OR2Z1: variants seen among roughly 807,000 people sequenced by gnomAD.
OR2Z1 encodes the protein olfactory receptor family 2 subfamily Z member 1.
For missense variants in OR2Z1, 449 were observed against 401.8 expected (o/e 1.12, Z -1.00); for synonymous variants, 188 against 160.6 (o/e 1.17, Z -1.29).
chr19:8,727,859 T>G (rs1223074214), intron 2 of OR2Z1, among the ~76,000 whole-genome samples: 1 of 152,218 alleles, frequency 6.6e-6, no homozygotes, highest in Non-Finnish European at 1.5e-5. Flanking sequence ...AGAGCAAGAC[T>G]CTGTCTCAAC....
chr19:8,731,352 T>C lies in OR2Z1; in HGVS notation c.324T>C (p.Gly108=), dbSNP rs2043353730. 4 of 1,613,958 alleles carry C rather than the reference T, an allele frequency of 2.5e-6. No homozygotes were observed. The highest frequency in any genetic ancestry group is 1.1e-5 in the South Asian group (1 of 91,078). ...AAATATTCTTCCTCACACTGATGGG[T>C]GTGGCTGAGGGCGTCCTGTTGGTCC... The part of the protein sequence containing the change: ...AAQIFFLTLM[G]VAEGVLLVLM... Residue 108 remains glycine (G), a synonymous_variant, in exon 3 of 3, where the codon GGT becomes GGC. Coordinates refer to ENST00000641125, the MANE Select transcript of OR2Z1 (RefSeq NM_001004699.3).
chr19:8,728,655 G>A (rs1214971207), intron 2 of OR2Z1: 11 of 465,816 alleles, frequency 2.4e-5, no homozygotes, highest in Non-Finnish European at 3.7e-5. Context: ...CCCAAATTGC[G>A]AACATAGTAC....
In OR2Z1 at chr19:8,732,025, T is replaced by TC. The variant is rs782571550; in HGVS notation, c.*55dup. ...CAGCGGTCCTCGATCCCACCCACCT[T>TC]CCCAAAGTATGCATTTGGCATTCAA... On this transcript the variant is annotated 3_prime_UTR_variant, in exon 3 of 3. Coordinates refer to ENST00000641125, the MANE Select transcript of OR2Z1 (RefSeq NM_001004699.3). The TC allele has an allele frequency of 7.2e-7, 1 of 1,390,794 alleles. No individual in the cohort carries two copies. Among genetic ancestry groups the TC allele is most frequent in the Non-Finnish European group, 9.9e-7 (1 of 1,006,814 alleles). The allele number at this position is 1,390,794 out of a possible 1,614,324, so 86.2% of individuals were successfully genotyped here.
rs2043349950 is a variant in OR2Z1 at position 8,730,968 on chromosome 19, A to G, written c.-61A>G. 7.3e-7 allele frequency: 1 copy of G among 1,379,222 alleles called. No individual in the cohort carries two copies. The highest frequency in any genetic ancestry group is 1.0e-6 in the Non-Finnish European group (1 of 986,022). 85.4% of individuals were successfully genotyped at this position (1,379,222 alleles called of 1,614,324 possible). A position where few individuals can be genotyped will look rare whatever the true frequency, so the allele number is the denominator to read the frequency against. On this transcript the variant is annotated 5_prime_UTR_variant, in exon 3 of 3. It removes an upstream start codon present in the reference 5' UTR. Coordinates refer to ENST00000641125, the MANE Select transcript of OR2Z1 (RefSeq NM_001004699.3). Reference sequence around the variant, plus strand: ...TGAGATGAAAATTATTTGCCACCCCATGCAGGCTTCTTGCCATAGTTCAGC... The same window carrying G: ...TGAGATGAAAATTATTTGCCACCCCGTGCAGGCTTCTTGCCATAGTTCAGC...
chr19:8,731,039 T>C lies in OR2Z1; in HGVS notation c.11T>C (p.Val4Ala). ...TGCATTGTGTAAAACATGGGGGATG[T>C]GAATCAGTCGGTGGCCTCAGACTTC... is the stretch of plus-strand genomic sequence containing the variant. MGD[V>A]NQSVASDFIL... Residue 4 changes from valine to alanine, a missense_variant, in exon 3 of 3, where the codon GTG (valine) becomes GCG (alanine). Transcript: ENST00000641125. 1 of 1,613,940 alleles carries C rather than the reference T, an allele frequency of 6.2e-7. No homozygotes were observed. Among genetic ancestry groups the C allele is most frequent in the Non-Finnish European group, 8.5e-7 (1 of 1,179,868 alleles).
At position 8,731,543 on chromosome 19, in the gene OR2Z1, G is replaced by T. The variant is rs1334848995; in HGVS notation, c.515G>T (p.Arg172Leu). The T allele has an allele frequency of 1.2e-6, 2 of 1,613,894 alleles. No homozygotes were observed. The highest frequency in any genetic ancestry group is 2.7e-5 in the African/African-American group (2 of 74,854). ...ITLHFPYCAS[R>L]IVDHFFCEVP... ...CTGCATTTTCCCTACTGTGCCTCCCGTATTGTGGATCACTTCTTCTGTGAG... is the reference window on the plus strand; with the variant it reads ...CTGCATTTTCCCTACTGTGCCTCCCTTATTGTGGATCACTTCTTCTGTGAG... Residue 172 changes from arginine to leucine, a missense_variant, in exon 3 of 3, where the codon CGT (arginine) becomes CTT (leucine). Arg to Leu is a moderately radical substitution (Grantham distance 102). Transcript: ENST00000641125.
At chr19:8,723,200 A>G (rs1219802941) in intron 2 of OR2Z1, 50 bp downstream of exon 2, 1 of 152,134 alleles carries the variant, frequency 6.6e-6, no homozygotes, top group Non-Finnish European at 1.5e-5. Context: ...GCCTGCAATC[A>G]TGTTTTATGT....
rs535552514 is a variant in OR2Z1, at chr19:8,729,570, C to T, written c.-169-1290C>T. ...AGACTACAGGCAGTCACCACCAAGT[C>T]GAACTTTAAATTTTTTGTAGAGATG... is the stretch of plus-strand genomic sequence containing the variant. On this transcript the variant is annotated intron_variant, in intron 2 of 2. Transcript: ENST00000641125. Among the ~76,000 whole-genome samples, 34 of 151,386 alleles carry T rather than the reference C, an allele frequency of 2.2e-4. 1 individual carries two copies. The South Asian group carries it at 6.5e-3, about 29-fold the overall frequency.
At position 8,732,023 on chromosome 19, in the gene OR2Z1, C is replaced by G. The variant is rs201762699; in HGVS notation, c.*50C>G. 1.4e-6 allele frequency: 2 copies of G among 1,416,338 alleles called. No individual in the cohort carries two copies. Among genetic ancestry groups the G allele is most frequent in the East Asian group, 2.3e-5 (1 of 43,550 alleles). The allele number at this position is 1,416,338 out of a possible 1,614,324, so 87.7% of individuals were successfully genotyped here. A position where few individuals can be genotyped will look rare whatever the true frequency, so the allele number is the denominator to read the frequency against. On this transcript the variant is annotated 3_prime_UTR_variant, in exon 3 of 3. Coordinates refer to ENST00000641125, the MANE Select transcript of OR2Z1 (RefSeq NM_001004699.3). ...TCCAGCGGTCCTCGATCCCACCCAC[C>G]TTCCCAAAGTATGCATTTGGCATTC...
chr19:8,722,244 A>C (rs1219780432), intron 1 of OR2Z1, among the ~76,000 whole-genome samples: 7 of 149,708 alleles, frequency 4.7e-5, no homozygotes, highest in Non-Finnish European at 8.9e-5. Flanking sequence ...TTATATATTA[A>C]ATTAAATAAT....
At chr19:8,728,014 A>T (rs570561170) in intron 2 of OR2Z1, among the ~76,000 whole-genome samples, 2 of 152,384 alleles carry the variant, frequency 1.3e-5, no homozygotes, top group East Asian at 1.9e-4. Flanking sequence ...AGCCCTGGTC[A>T]TATAGCCCAA....
intron 1 of OR2Z1, among the ~76,000 whole-genome samples, chr19:8,722,346 C>T (rs1487666874): frequency 6.6e-6 from 1 of 151,976 alleles, no homozygotes; most frequent in Non-Finnish European, 1.5e-5. Flanking sequence ...CATTTGGCTA[C>T]TAAAGTGACC....
chr19:8,731,370 G>A lies in OR2Z1; in HGVS notation c.342G>A (p.Leu114=), dbSNP rs151009943. 10 of 1,613,980 alleles carry A rather than the reference G, an allele frequency of 6.2e-6. 1 individual carries two copies. The highest frequency in any genetic ancestry group is 1.3e-5 in the African/African-American group (1 of 74,884). ...LTLMGVAEGV[L]LVLMSYDRYV... is the part of the protein sequence containing the mutation. The stretch of plus-strand genomic sequence containing the variant: ...TGATGGGTGTGGCTGAGGGCGTCCT[G>A]TTGGTCCTCATGTCTTATGACCGTT... The change falls in exon 3 of 3, where the codon CTG becomes CTA. Residue 114 remains leucine, a synonymous_variant. Coordinates refer to ENST00000641125, the MANE Select transcript of OR2Z1 (RefSeq NM_001004699.3).
intron 2 of OR2Z1, among the ~76,000 whole-genome samples, chr19:8,725,840 TGTACAG>T (rs2043325042): frequency 6.6e-6 from 1 of 152,242 alleles, no homozygotes; most frequent in Non-Finnish European, 1.5e-5. Context: ...TTCTGTAGGC[TGTACAG>T]GACGTATAAT....
chr19:8,728,915 C>CAAA (rs2043338868), intron 2 of OR2Z1: 1 of 666,414 alleles, frequency 1.5e-6, no homozygotes, highest in Non-Finnish European at 2.8e-6. Flanking sequence ...CCACAATGAA[C>CAAA]GAAAGTGTGT....
At chr19:8,725,586 A>G (rs1277090385) in intron 2 of OR2Z1, among the ~76,000 whole-genome samples, 1 of 152,154 alleles carries the variant, frequency 6.6e-6, no homozygotes, top group Non-Finnish European at 1.5e-5. Flanking sequence ...AATGCTACCA[A>G]TGAGGCACTC....
chr19:8,724,589 C>A (rs1373082777), intron 2 of OR2Z1, among the ~76,000 whole-genome samples: 1 of 152,092 alleles, frequency 6.6e-6, no homozygotes, highest in Non-Finnish European at 1.5e-5. Flanking sequence ...TAACAGCTTC[C>A]CCAGCCACCT....
rs369826471 is a variant in OR2Z1 at position 8,731,237 on chromosome 19, A to G, written c.209A>G (p.Asp70Gly). 1.7e-5 allele frequency: 27 copies of G among 1,614,070 alleles called. No homozygotes were observed. Among genetic ancestry groups the G allele is most frequent in the African/African-American group, 2.7e-5 (2 of 75,002 alleles). Reference sequence around the variant, plus strand: ...CTGCTCAGCCAGCTCTCCCTGTTTGACATTGGCTGTCCCATGGTCACCATC... The same window carrying G: ...CTGCTCAGCCAGCTCTCCCTGTTTGGCATTGGCTGTCCCATGGTCACCATC... The part of the protein sequence containing the change: ...YFLLSQLSLF[D>G]IGCPMVTIPK... Residue 70 changes from aspartate (D) to glycine (G), a missense_variant, in exon 3 of 3, where the codon GAC (aspartate) becomes GGC (glycine). By Grantham distance (94) the Asp-to-Gly change is moderately conservative. Transcript: ENST00000641125.
chr19:8,725,118 T>A (rs933095366), intron 2 of OR2Z1, among the ~76,000 whole-genome samples: 1 of 152,192 alleles, frequency 6.6e-6, no homozygotes, highest in African/African-American at 2.4e-5. Flanking sequence ...ATGCATGTAT[T>A]TTTATTAAAT....
Sources: gnomAD v4.1 joint callset for allele counts (sites outside exome capture counted in the v4.1 genomes callset) on GRCh38, gnomAD v4.1.1 for gene constraint, MANE v1.5 for transcripts, NCBI Gene and HGNC (gene_info 2026-07-23, HGNC 2026-07-21) for gene names.